CACNA1B: variants seen among roughly 807,000 people sequenced by gnomAD.
The protein encoded by CACNA1B is calcium voltage-gated channel subunit alpha1 B, also known as voltage-dependent N-type calcium channel subunit alpha-1B.
Under a neutral mutation model 247.2 loss-of-function variants are expected in CACNA1B, and 70 were observed. The ratio of observed to expected loss-of-function variants is 0.28; its 90% CI spans 0.23 to 0.35. The LOEUF (loss-of-function observed/expected upper bound fraction) is 0.35. Among genes scored for constraint, CACNA1B ranks in the 10% least tolerant of loss-of-function variants. The pLI, the probability that CACNA1B is intolerant of heterozygous loss-of-function variation, is 1.00. For synonymous variants in CACNA1B, 1,231 were observed against 1,294.4 expected (o/e 0.95, Z 1.05); for missense variants, 2,367 against 3,197.4 (o/e 0.74, Z 6.26).
chr9:137,886,079 G>A (rs1258763910), intron 3 of CACNA1B, among the ~76,000 whole-genome samples: 12 of 151,502 alleles, frequency 7.9e-5, no homozygotes, highest in South Asian at 2.1e-4. Flanking sequence ...GGCTCCTGGC[G>A]CCTGGCCGTC....
chr9:138,069,633 C>T (rs949442298), intron 31 of CACNA1B, 125 bp from the exon 32 acceptor site: 11 of 711,192 alleles, frequency 1.5e-5, no homozygotes, highest in South Asian at 4.7e-5. Flanking sequence ...TGCTGACTCA[C>T]GCCATCCAAC....
intron 36 of CACNA1B, among the ~76,000 whole-genome samples, chr9:138,078,656 A>ATG (rs1564276190): frequency 6.6e-6 from 1 of 152,022 alleles, no homozygotes; most frequent in Non-Finnish European, 1.5e-5. Flanking sequence ...TTTCACATCC[A>ATG]TGGAAGCCTC....
chr9:138,067,587 T>C (rs1564269741), intron 31 of CACNA1B, among the ~76,000 whole-genome samples: 2 of 152,204 alleles, frequency 1.3e-5, no homozygotes, highest in Admixed American at 6.5e-5. Context: ...TAATTCTAGC[T>C]ACTTGGGAGG....
chr9:138,037,715 G>A (rs1056015581), intron 20 of CACNA1B, among the ~76,000 whole-genome samples: 2 of 152,032 alleles, frequency 1.3e-5, no homozygotes, highest in Non-Finnish European at 2.9e-5. Context: ...TCTTTTGGAA[G>A]GCTTCCAGGT....
chr9:137,911,718 C>T (rs544134609), intron 3 of CACNA1B, among the ~76,000 whole-genome samples: 1 of 152,286 alleles, frequency 6.6e-6, no homozygotes, highest in South Asian at 2.1e-4. Flanking sequence ...TGTGCCCGGC[C>T]GATATTTATC....
intron 6 of CACNA1B, among the ~76,000 whole-genome samples, chr9:137,929,085 C>G (rs935584430): frequency 6.6e-6 from 1 of 152,156 alleles, no homozygotes; most frequent in Admixed American, 6.6e-5. Context: ...GTTTTCATTT[C>G]TCTTGGGTAT....
In CACNA1B at chr9:138,118,013, C is replaced by A; in HGVS notation, c.5845C>A (p.His1949Asn). 6.2e-7 allele frequency: 1 copy of A among 1,601,682 alleles called. No homozygotes were observed. The highest frequency in any genetic ancestry group is 8.5e-7 in the Non-Finnish European group (1 of 1,173,992). ...CACTCAAAGGACCCAGGATGCACCC[C>A]ATGAGGCCAGGCCACCCCTGGAGCG... ...WGTQRTQDAP[H>N]EARPPLERGH... The change falls in exon 43 of 47, where the codon CAT becomes AAT. Residue 1949 changes from histidine (H) to asparagine (N), a missense_variant. Physicochemically the swap from His to Asn is moderately conservative, Grantham distance 68 (BLOSUM62 1). This residue lies in a region of CACNA1B where 773 missense variants were observed against 779.4 expected (regional missense o/e 0.99). Coordinates refer to ENST00000371372, the MANE Select transcript of CACNA1B (RefSeq NM_000718.4).
intron 36 of CACNA1B, among the ~76,000 whole-genome samples, chr9:138,078,754 G>A (rs1237174691): frequency 6.6e-6 from 1 of 152,170 alleles, no homozygotes; most frequent in Non-Finnish European, 1.5e-5. Context: ...GAGCGAGTGA[G>A]GAGACGACTG....
intron 16 of CACNA1B, among the ~76,000 whole-genome samples, 175 bp from the exon 17 acceptor site, chr9:138,009,835 G>A (rs936685242): frequency 6.6e-6 from 1 of 152,134 alleles, no homozygotes; most frequent in Non-Finnish European, 1.5e-5. Context: ...GGAACAGGGG[G>A]CTGGAGGGCC....
chr9:138,043,624 G>A (rs975172651), intron 20 of CACNA1B, 150 bp from the exon 21 acceptor site: 9 of 779,954 alleles, frequency 1.2e-5, no homozygotes, highest in South Asian at 6.5e-5. Flanking sequence ...GGTCATGTAC[G>A]TGAAGCACTG....
At position 138,057,797 on chromosome 9, in the gene CACNA1B, A is replaced by C; in HGVS notation, c.4034A>C (p.Asp1345Ala). Residue 1345 changes from aspartate (D) to alanine (A), a missense_variant, in exon 27 of 47, where the codon GAC becomes GCC. Asp to Ala is a moderately radical substitution (Grantham distance 126). This residue lies in a region of CACNA1B where 436 missense variants were observed against 679.5 expected (regional missense o/e 0.64). Coordinates refer to ENST00000371372, the MANE Select transcript of CACNA1B (RefSeq NM_000718.4). This position sits in a 1 kb window ranked among gnomAD's most constrained non-coding sequence, Gnocchi z 4.0. ...CAGCCCAGGCAGTGGAAGAAATACG[A>C]CTTTCACTACGACAATGTGCTCTGG... ...EAQPRQWKKYDFHYDNVLWAL... is the reference protein window; with the variant it reads ...EAQPRQWKKYAFHYDNVLWAL... 1.2e-6 allele frequency: 2 copies of C among 1,612,926 alleles called. No individual in the cohort carries two copies. Among genetic ancestry groups the C allele is most frequent in the Non-Finnish European group, 1.7e-6 (2 of 1,179,250 alleles).
At chr9:137,998,009 A>G (rs979840493) in intron 15 of CACNA1B, among the ~76,000 whole-genome samples, 14 of 152,214 alleles carry the variant, frequency 9.2e-5, no homozygotes, top group Non-Finnish European at 1.9e-4. Flanking sequence ...AATGTGCAAA[A>G]CAATGTCATA....
At position 137,882,523 on chromosome 9, in the gene CACNA1B, G is replaced by A. The variant is rs1286026728; in HGVS notation, c.391-221G>A. Reference sequence around the variant, plus strand: ...GACTGGGATGTTGCTGCTGTAAACAGTGGTGTCCCCATTAGGGGACATGTG... The same window carrying A: ...GACTGGGATGTTGCTGCTGTAAACAATGGTGTCCCCATTAGGGGACATGTG... On this transcript the variant is annotated intron_variant, in intron 2 of 46. Coordinates refer to ENST00000371372, the MANE Select transcript of CACNA1B (RefSeq NM_000718.4). The surrounding 1 kb of genome is among the most constrained non-coding windows in gnomAD (Gnocchi z 4.0). 6.6e-6 allele frequency among the ~76,000 whole-genome samples: 1 copy of A among 152,198 alleles called. No individual in the cohort carries two copies. The highest frequency in any genetic ancestry group is 2.4e-5 in the African/African-American group (1 of 41,452).
Position 138,072,710 on chromosome 9 carries a change from A to G in CACNA1B, c.4675-778A>G, listed in dbSNP as rs557053256. Reference sequence around the variant, plus strand: ...AGGGATGTGCCAGTACAGTAATTCAAGTGCCCTGGGGCCACGTGGAGGCTT... The same window carrying G: ...AGGGATGTGCCAGTACAGTAATTCAGGTGCCCTGGGGCCACGTGGAGGCTT... On this transcript the variant is annotated intron_variant, in intron 32 of 46. Transcript: ENST00000371372. The surrounding 1 kb of genome is among the most constrained non-coding windows in gnomAD (Gnocchi z 4.5). 1.1e-4 allele frequency among the ~76,000 whole-genome samples: 16 copies of G among 152,234 alleles called. No individual in the cohort carries two copies. Among genetic ancestry groups the G allele is most frequent in the Non-Finnish European group, 1.9e-4 (13 of 68,042 alleles).
At chr9:138,074,147 A>G (rs944806381) in intron 34 of CACNA1B, 81 bp downstream of exon 34, 39 of 975,198 alleles carry the variant, frequency 4.0e-5, no homozygotes, top group South Asian at 2.3e-4. Flanking sequence ...TGATTGTCAA[A>G]TCATCGTCAT....
At chr9:137,989,361 A>G (rs1290514918) in intron 15 of CACNA1B, among the ~76,000 whole-genome samples, 1 of 152,176 alleles carries the variant, frequency 6.6e-6, no homozygotes, top group Non-Finnish European at 1.5e-5. Context: ...CCAGCTGGGC[A>G]TGGAGGCTTC....
chr9:137,962,912 G>T (rs186095834), intron 10 of CACNA1B, among the ~76,000 whole-genome samples: 2 of 152,242 alleles, frequency 1.3e-5, no homozygotes, highest in East Asian at 3.9e-4. Flanking sequence ...TGATCCAGAG[G>T]TGAGTTCAAC....
chr9:138,098,294 G>C (rs1208387027), intron 37 of CACNA1B, among the ~76,000 whole-genome samples: 2 of 152,154 alleles, frequency 1.3e-5, no homozygotes, highest in East Asian at 3.9e-4. Flanking sequence ...AGTCGACCTG[G>C]GGGAGACTGA....
chr9:138,013,484 G>T (rs2133423732), intron 18 of CACNA1B, among the ~76,000 whole-genome samples: 1 of 152,284 alleles, frequency 6.6e-6, no homozygotes, highest in East Asian at 1.9e-4. Flanking sequence ...TCTCTGCTGT[G>T]ATATTCACTC....
Sources: allele counts gnomAD v4.1 joint callset (sites outside exome capture counted in the v4.1 genomes callset), GRCh38; gene constraint gnomAD v4.1.1; regional missense constraint gnomAD v4.1.1; non-coding constraint Gnocchi (gnomAD v3.1); transcripts MANE v1.5; gene names NCBI Gene and HGNC (gene_info 2026-07-23, HGNC 2026-07-21).